The following RAB9A variants were observed in gnomAD, a reference collection of about 807,000 sequenced individuals.
The protein encoded by RAB9A is ras-related protein Rab-9A.
Under a neutral mutation model 10.3 loss-of-function variants are expected in RAB9A, and 1 was observed. The ratio of observed to expected loss-of-function variants is 0.10; its 90% confidence interval spans 0.03 to 0.46. The LOEUF is 0.46. RAB9A is among the 20% of genes least tolerant of loss of function. The pLI is 0.96. For missense variants in RAB9A, 92 were observed against 150.3 expected (o/e 0.61, Z 2.03); for synonymous variants, 39 against 55.2 (o/e 0.71, Z 1.30).
At chrX:13,706,287 A>C (rs1328449188) in intron 2 of RAB9A, among the ~76,000 whole-genome samples, 1 of 112,213 alleles carries the variant, frequency 8.9e-6, no homozygotes, top group Non-Finnish European at 1.9e-5. Flanking sequence ...AATACATTTG[A>C]AATTGAAAAA....
chrX:13,698,810 A>C (rs1354791937), intron 1 of RAB9A, among the ~76,000 whole-genome samples: 2 of 111,444 alleles, frequency 1.8e-5, no homozygotes, highest in Non-Finnish European at 3.8e-5. Context: ...ATACAGCTCC[A>C]GCAAAAATAG....
At position 13,708,653 on chromosome X, in the gene RAB9A, T is replaced by C. The variant is rs1718225493; in HGVS notation, c.-26-68T>C. ...ATGTTTTATTTCAGCTAAATGCTGA[T>C]ATTCGTAGAATCATGTAGAAGAATG... On this transcript the variant is annotated intron_variant, in intron 2 of 2. Transcript: ENST00000464506. 5 of 973,470 alleles carry C rather than the reference T, an allele frequency of 5.1e-6. No homozygotes were observed. The South Asian group carries it at 7.5e-5, about 15-fold the overall frequency. The allele number at this position is 973,470 out of a possible 1,213,427, so 80.2% of individuals were successfully genotyped here. A position where few individuals can be genotyped will look rare whatever the true frequency, so the allele number is the denominator to read the frequency against.
intron 2 of RAB9A, among the ~76,000 whole-genome samples, chrX:13,705,147 C>T (rs893992981): frequency 1.8e-5 from 2 of 111,687 alleles, no homozygotes; most frequent in Admixed American, 1.9e-4. Flanking sequence ...TTTTTAATGT[C>T]CATAAGCTGA....
chrX:13,706,477 C>T (rs778677564), intron 2 of RAB9A, among the ~76,000 whole-genome samples: 5 of 111,010 alleles, frequency 4.5e-5, no homozygotes, highest in Admixed American at 3.8e-4. Context: ...CGGCAACCTA[C>T]GCCTCCCAGG....
intron 2 of RAB9A, among the ~76,000 whole-genome samples, chrX:13,705,836 G>C (rs188256019): frequency 8.1e-5 from 9 of 111,717 alleles, no homozygotes; most frequent in African/African-American, 2.6e-4. Context: ...CGGTTCATTG[G>C]GGGGGTCACC....
intron 1 of RAB9A, among the ~76,000 whole-genome samples, chrX:13,691,158 C>T (rs2046120760): frequency 9.0e-6 from 1 of 111,440 alleles, no homozygotes; most frequent in East Asian, 2.8e-4. Flanking sequence ...GGACAGCCCC[C>T]CACAACAGAG....
At chrX:13,695,343 G>A (rs914162410) in intron 1 of RAB9A, among the ~76,000 whole-genome samples, 1 of 111,806 alleles carries the variant, frequency 8.9e-6, no homozygotes, top group Admixed American at 9.4e-5. Flanking sequence ...TCACTGGGTG[G>A]GAGTGAAGAT....
At chrX:13,701,654 A>T (rs1313466964) in intron 1 of RAB9A, among the ~76,000 whole-genome samples, 1 of 110,972 alleles carries the variant, frequency 9.0e-6, no homozygotes, top group East Asian at 2.8e-4. Flanking sequence ...CACGCACAGG[A>T]TGGTTAAGAG....
intron 1 of RAB9A, among the ~76,000 whole-genome samples, chrX:13,692,200 C>T (rs2046128609): frequency 9.0e-6 from 1 of 111,240 alleles, no homozygotes; most frequent in African/African-American, 3.3e-5. Context: ...GTCCCAGCTA[C>T]TCTGGAGGCT....
At chrX:13,699,699 CAGGCCAAAGT>C (rs1408796702) in intron 1 of RAB9A, among the ~76,000 whole-genome samples, 1 of 112,331 alleles carries the variant, frequency 8.9e-6, no homozygotes, top group Non-Finnish European at 1.9e-5. Flanking sequence ...AGGGGCCTCC[CAGGCCAAAGT>C]AACAGCCCGA....
chrX:13,695,693 G>A (rs1455860411), intron 1 of RAB9A, among the ~76,000 whole-genome samples: 1 of 112,175 alleles, frequency 8.9e-6, no homozygotes, highest in African/African-American at 3.2e-5. Flanking sequence ...ACTACCATCA[G>A]GGTACCAGAT....
intron 1 of RAB9A, among the ~76,000 whole-genome samples, chrX:13,696,695 CT>C (rs1429615215): frequency 1.8e-5 from 2 of 112,054 alleles, no homozygotes; most frequent in African/African-American, 6.5e-5. Flanking sequence ...TCTTTGGTGA[CT>C]TTTGCTGACA....
intron 1 of RAB9A, among the ~76,000 whole-genome samples, chrX:13,692,812 G>T (rs903685298): frequency 2.9e-4 from 32 of 111,542 alleles, no homozygotes; most frequent in Non-Finnish European, 5.6e-4. Flanking sequence ...CGGTAGCTTT[G>T]GTTTTTGACT....
rs1450955282 is a variant in RAB9A at position 13,709,719 on chromosome X, A to G, written c.*367A>G. The G allele has an allele frequency of 7.6e-6, 1 of 131,139 alleles. No homozygotes were observed. The highest frequency in any genetic ancestry group is 9.0e-5 in the Admixed American group (1 of 11,119). 10.8% of individuals were successfully genotyped at this position (131,139 alleles called of 1,213,427 possible). A position where few individuals can be genotyped will look rare whatever the true frequency, so the allele number is the denominator to read the frequency against. On this transcript the variant is annotated 3_prime_UTR_variant, in exon 3 of 3. Coordinates refer to ENST00000464506, the MANE Select transcript of RAB9A (RefSeq NM_004251.5). The stretch of plus-strand genomic sequence containing the variant: ...CTGGGAAAATGGAGAACTACTTTTT[A>G]TATGTGTATGTTTTTATGCAATTAG...
intron 1 of RAB9A, among the ~76,000 whole-genome samples, chrX:13,694,279 T>C (rs1336741089): frequency 8.9e-6 from 1 of 111,953 alleles, no homozygotes; most frequent in Non-Finnish European, 1.9e-5. Context: ...GTCTGTGCAG[T>C]TTCACACCTG....
chrX:13,698,042 C>T (rs1258212257), intron 1 of RAB9A, among the ~76,000 whole-genome samples: 5 of 111,417 alleles, frequency 4.5e-5, no homozygotes, highest in Admixed American at 9.5e-5. Flanking sequence ...TCAGTAGCCA[C>T]ATGTGATTAG....
intron 2 of RAB9A, among the ~76,000 whole-genome samples, chrX:13,706,472 A>G (rs1428869842): frequency 9.0e-6 from 1 of 110,887 alleles, no homozygotes; most frequent in African/African-American, 3.3e-5. Context: ...GCTCACGGCA[A>G]CCTACGCCTC....
chrX:13,696,762 T>C (rs758488236), intron 1 of RAB9A, among the ~76,000 whole-genome samples: 8 of 111,159 alleles, frequency 7.2e-5, no homozygotes, highest in African/African-American at 2.6e-4. Flanking sequence ...GAGCAGAGAG[T>C]TAATCAGGTT....
chrX:13,709,243 A>G lies in RAB9A; in HGVS notation c.497A>G (p.Glu166Gly). The change falls in exon 3 of 3, where the codon GAG becomes GGG. Residue 166 changes from glutamate (E) to glycine (G), a missense_variant. Transcript: ENST00000464506. ...GCCACAAATGTGGCAGCAGCCTTTG[A>G]GGAAGCGGTTCGAAGAGTTCTTGCT... ...KDATNVAAAF[E>G]EAVRRVLATE... is the part of the protein sequence containing the mutation. The G allele has an allele frequency of 8.3e-7, 1 of 1,211,860 alleles. No individual in the cohort carries two copies. The highest frequency in any genetic ancestry group is 1.1e-6 in the Non-Finnish European group (1 of 895,588).
Sources: allele counts gnomAD v4.1 joint callset (sites outside exome capture counted in the v4.1 genomes callset), GRCh38; gene constraint gnomAD v4.1.1; transcripts MANE v1.5; gene names NCBI Gene and HGNC (gene_info 2026-07-23, HGNC 2026-07-21).